Variants in ZNF3 observed in about 807,000 individuals in gnomAD.
ZNF3 encodes the protein zinc finger protein 3.
A neutral mutation model predicts 36.9 loss-of-function variants in ZNF3; 16 were observed. The ratio of observed to expected loss-of-function variants is 0.43; its 90% CI spans 0.29 to 0.66. ZNF3 has a LOEUF of 0.66. Among genes scored for constraint, ZNF3 ranks in the 30% least tolerant of loss-of-function variants. The pLI, the probability that ZNF3 is intolerant of heterozygous loss-of-function variation, is 0.13. For synonymous variants in ZNF3, 201 were observed against 201.9 expected, an observed-to-expected ratio of 1.00 and a Z score of 0.04; for missense variants, 462 against 543.1, an observed-to-expected ratio of 0.85 and a Z score of 1.48.
intron 2 of ZNF3, among the ~76,000 whole-genome samples, chr7:100,078,477 T>C (rs1010752104): frequency 9.9e-5 from 13 of 131,458 alleles, no homozygotes; most frequent in African/African-American, 2.9e-4. Context: ...GTCTGGGCAA[T>C]AGACAGAGAC....
At chr7:100,075,659 G>GAGTCC (rs1401904363) in intron 3 of ZNF3, 29 bp from the exon 4 acceptor site, 2 of 1,608,780 alleles carry the variant, frequency 1.2e-6, no homozygotes, top group Non-Finnish European at 1.7e-6. Flanking sequence ...GCCCAGGAAT[G>GAGTCC]AGTCCATCTG....
upstream of ZNF3, chr7:100,081,794 C>T (rs1363359442): frequency 6.6e-6 from 1 of 152,332 alleles, no homozygotes; most frequent in Non-Finnish European, 1.5e-5. This position sits in a 1 kb window ranked among gnomAD's most constrained non-coding sequence, Gnocchi z 4.3. Flanking sequence ...ACCCCCAACG[C>T]CCACTTGTTC....
rs964708783 is a variant in ZNF3 at position 100,070,474 on chromosome 7, C to T, written c.*669G>A. ...TTGGACAGATTTGCCCATTCAGCCC[C>T]AGGACAACTGGGGGGGATGGCAGGG... On this transcript the variant is annotated 3_prime_UTR_variant, in exon 6 of 6. Coordinates refer to ENST00000299667, the MANE Select transcript of ZNF3 (RefSeq NM_032924.5). The T allele has an allele frequency of 6.1e-6, 6 of 985,496 alleles. No individual in the cohort carries two copies. The Admixed American group carries it at 3.7e-4, about 61-fold the overall frequency. 61.0% of individuals were successfully genotyped at this position (985,496 alleles called of 1,614,324 possible).
exon 6 of ZNF3, chr7:100,064,353 G>GC: frequency 1.2e-6 from 2 of 1,614,122 alleles, no homozygotes; most frequent in African/African-American, 2.7e-5. Flanking sequence ...CTGGGGAGAA[G>GC]CCTTATCAGT....
At chr7:100,064,801 G>C (rs1451563544) in exon 6 of ZNF3, 4 of 1,614,164 alleles carry the variant, frequency 2.5e-6, no homozygotes, top group Non-Finnish European at 3.4e-6. Flanking sequence ...GAAGGTGTCA[G>C]GAGGTTCCAC....
At chr7:100,081,924 G>A (rs1345042232), upstream of ZNF3, among the ~76,000 whole-genome samples, 1 of 152,160 alleles carries the variant, frequency 6.6e-6, no homozygotes, top group East Asian at 1.9e-4. This position sits in a 1 kb window ranked among gnomAD's most constrained non-coding sequence, Gnocchi z 4.3. Context: ...TCGCTGCGGG[G>A]GCTGGCCGGC....
intron 5 of ZNF3, among the ~76,000 whole-genome samples, chr7:100,073,554 G>A (rs1402242750): frequency 6.6e-6 from 1 of 151,948 alleles, no homozygotes; most frequent in African/African-American, 2.4e-5. Context: ...GTTTCAACAT[G>A]TTGGCCAGGC....
downstream of ZNF3, among the ~76,000 whole-genome samples, chr7:100,066,311 C>T (rs1410343323): frequency 3.3e-5 from 5 of 152,210 alleles, no homozygotes; most frequent in Non-Finnish European, 7.3e-5. Context: ...CACAGTGGCT[C>T]ATGCCTATAA....
chr7:100,073,395 A>C (rs893951996), intron 5 of ZNF3, among the ~76,000 whole-genome samples: 2 of 152,022 alleles, frequency 1.3e-5, no homozygotes, highest in Non-Finnish European at 2.9e-5. Flanking sequence ...ATCGCCCAGG[A>C]TGGAGTGCAG....
chr7:100,075,334 G>A (rs775031185), intron 4 of ZNF3, 73 bp from the exon 5 acceptor site: 8 of 1,612,238 alleles, frequency 5.0e-6, no homozygotes, highest in Non-Finnish European at 6.8e-6. Context: ...AATCACTGAG[G>A]ATGGGGTGAA....
At chr7:100,065,944 A>G (rs888545589), downstream of ZNF3, among the ~76,000 whole-genome samples, 5 of 147,740 alleles carry the variant, frequency 3.4e-5, no homozygotes, top group South Asian at 4.5e-4. Flanking sequence ...AAAAGCCTCA[A>G]AAGGCCTGGG....
At chr7:100,074,647 A>T (rs1458088211) in intron 5 of ZNF3, among the ~76,000 whole-genome samples, 1 of 152,236 alleles carries the variant, frequency 6.6e-6, no homozygotes, top group African/African-American at 2.4e-5. Context: ...TGAAGATTAA[A>T]TGAAAGAATA....
At position 100,075,493 on chromosome 7, in the gene ZNF3, C is replaced by T. The variant is rs776175990; in HGVS notation, c.144+49G>A. 5 of 1,604,938 alleles carry T rather than the reference C, an allele frequency of 3.1e-6. No homozygotes were observed. In the Admixed American group the frequency reaches 6.7e-5, roughly 21 times the overall value. ...GGGTTTAAAGCTCTGAATGGGATGTCATTGCACAGAAAATGGAAAGGAAAA... is the reference window on the plus strand; with the variant it reads ...GGGTTTAAAGCTCTGAATGGGATGTTATTGCACAGAAAATGGAAAGGAAAA... On this transcript the variant is annotated intron_variant, in intron 4 of 5. Coordinates refer to ENST00000299667, the MANE Select transcript of ZNF3 (RefSeq NM_032924.5).
chr7:100,066,066 TC>T (rs1394562004), downstream of ZNF3, among the ~76,000 whole-genome samples: 2 of 151,796 alleles, frequency 1.3e-5, no homozygotes, highest in African/African-American at 4.8e-5. Context: ...AAACCCAGAC[TC>T]CCCTTAACTT....
chr7:100,074,886 C>A (rs1056344225), intron 5 of ZNF3, among the ~76,000 whole-genome samples: 3 of 151,914 alleles, frequency 2.0e-5, no homozygotes, highest in Non-Finnish European at 2.9e-5. Flanking sequence ...CAAAAAAAAA[C>A]AAAACAAATA....
rs1335367464 is a variant in ZNF3, at chr7:100,070,213, T to C, written c.*930A>G. 2.8e-5 allele frequency: 28 copies of C among 985,146 alleles called. No homozygotes were observed. Among genetic ancestry groups the C allele is most frequent in the Non-Finnish European group, 3.4e-5 (28 of 829,914 alleles). The allele number at this position is 985,146 out of a possible 1,614,324, so 61.0% of individuals were successfully genotyped here. Reference sequence around the variant, plus strand: ...GCTTTGCTCTTTCTCTGCATTAATCTTCAGCTGCTGAAGAGTCAGAGGTGG... The same window carrying C: ...GCTTTGCTCTTTCTCTGCATTAATCCTCAGCTGCTGAAGAGTCAGAGGTGG... On this transcript the variant is annotated 3_prime_UTR_variant, in exon 6 of 6. Coordinates refer to ENST00000299667, the MANE Select transcript of ZNF3 (RefSeq NM_032924.5).
At chr7:100,068,334 C>T (rs968759684), downstream of ZNF3, among the ~76,000 whole-genome samples, 2 of 151,652 alleles carry the variant, frequency 1.3e-5, no homozygotes, top group African/African-American at 4.8e-5. Context: ...CCCGCCTTGG[C>T]CTCCCAAAGT....
Position 100,072,207 on chromosome 7 carries a change from C to CA in ZNF3, c.276dup (p.Glu93Ter). The CA allele has an allele frequency of 6.4e-7, 1 of 1,569,360 alleles. No individual in the cohort carries two copies. Among genetic ancestry groups the CA allele is most frequent in the Non-Finnish European group, 8.6e-7 (1 of 1,163,640 alleles). ...TCTTGATCATTTTCAGTCCTGGTCT[C>CA]ACGATCTGACACAATAAAAAATGCA... On this transcript the variant is annotated frameshift_variant, in exon 6 of 6. Coordinates refer to ENST00000299667, the MANE Select transcript of ZNF3 (RefSeq NM_032924.5). LOFTEE classifies it high-confidence loss of function.
downstream of ZNF3, chr7:100,063,866 T>C: frequency 5.0e-6 from 8 of 1,614,122 alleles, no homozygotes; most frequent in African/African-American, 1.3e-5. Context: ...AAAGGGGATA[T>C]AATTTCTGTG....
Sources: gnomAD v4.1 joint callset for allele counts (sites outside exome capture counted in the v4.1 genomes callset) on GRCh38, gnomAD v4.1.1 for gene constraint, Gnocchi (gnomAD v3.1) non-coding constraint, MANE v1.5 for transcripts, NCBI Gene and HGNC (gene_info 2026-07-23, HGNC 2026-07-21) for gene names.